PRTG: variants seen among roughly 807,000 people sequenced by gnomAD.
PRTG encodes the protein protogenin.
PRTG carries 67 observed loss-of-function variants against 122.5 expected under a neutral mutation model. That is an observed-to-expected ratio of 0.55 (90% confidence interval 0.45 to 0.67). The LOEUF is 0.67. PRTG is among the 30% of genes least tolerant of loss of function. The pLI is 0.00. For missense variants in PRTG, 1,435 were observed against 1,415.4 expected (o/e 1.01, Z -0.22); for synonymous variants, 554 against 501.1 (o/e 1.11, Z -1.41).
intron 15 of PRTG, among the ~76,000 whole-genome samples, chr15:55,634,294 C>A (rs1208730861): frequency 6.6e-6 from 1 of 151,952 alleles, no homozygotes; most frequent in African/African-American, 2.4e-5. Context: ...GTCTCCAACT[C>A]CTGACCTCAG....
intron 2 of PRTG, among the ~76,000 whole-genome samples, chr15:55,699,694 G>T (rs2141839040): frequency 6.6e-6 from 1 of 152,256 alleles, no homozygotes; most frequent in South Asian, 2.1e-4. Flanking sequence ...TTAGAGACTA[G>T]ATTAGCCAGC....
chr15:55,653,798 A>T (rs2059366289), intron 11 of PRTG, among the ~76,000 whole-genome samples: 1 of 152,070 alleles, frequency 6.6e-6, no homozygotes, highest in Non-Finnish European at 1.5e-5. Context: ...CCCCCAAATG[A>T]CTGGGATTGT....
intron 11 of PRTG, chr15:55,654,929 T>C (rs2059372173): frequency 6.6e-6 from 1 of 152,162 alleles, no homozygotes; most frequent in African/African-American, 2.4e-5. Flanking sequence ...TGCAAAAACA[T>C]CTGTAGTTTG....
chr15:55,671,274 C>T (rs1368865851), intron 11 of PRTG, among the ~76,000 whole-genome samples: 1 of 152,168 alleles, frequency 6.6e-6, no homozygotes, highest in Non-Finnish European at 1.5e-5. Flanking sequence ...CTCACCTTCA[C>T]AGGGCAGTCT....
At chr15:55,644,902 T>G in intron 11 of PRTG, among the ~76,000 whole-genome samples, 1 of 152,148 alleles carries the variant, frequency 6.6e-6, no homozygotes, top group East Asian at 1.9e-4. Context: ...ATAAGTGAAC[T>G]ACTCTTTATG....
chr15:55,638,532 G>T lies in PRTG; in HGVS notation c.2452+17C>A. 1 of 1,578,434 alleles carries T rather than the reference G, an allele frequency of 6.3e-7. No homozygotes were observed. Among genetic ancestry groups the T allele is most frequent in the Non-Finnish European group, 8.6e-7 (1 of 1,162,796 alleles). On this transcript the variant is annotated intron_variant, in intron 14 of 19. Transcript: ENST00000389286. ...TTTTTTTTAAAGATAAAATCTATAG[G>T]GAGCTGTTTTCTTTACCTTCTGGAA...
chr15:55,666,007 G>C (rs1347547716), intron 11 of PRTG, among the ~76,000 whole-genome samples: 1 of 152,234 alleles, frequency 6.6e-6, no homozygotes, highest in Non-Finnish European at 1.5e-5. Flanking sequence ...CTGTGCTGCA[G>C]TAGCAGAGTT....
chr15:55,673,519 C>A lies in PRTG; in HGVS notation c.1704G>T (p.Glu568Asp). 1 of 1,614,114 alleles carries A rather than the reference C, an allele frequency of 6.2e-7. No individual in the cohort carries two copies. The highest frequency in any genetic ancestry group is 1.1e-5 in the South Asian group (1 of 91,074). ...GGTACTCATGCGTGGTCCCCGGGAG[C>A]TCCAGAACTTGGATTGAATTCTCAG... Reference protein sequence around the residue: ...LSTENSIQVLELPGTTHEYLL... With the variant: ...LSTENSIQVLDLPGTTHEYLL... The change falls in exon 10 of 20, where the codon GAG becomes GAT. Residue 568 changes from glutamate (E) to aspartate (D), a missense_variant. By Grantham distance (45) the Glu-to-Asp change is conservative. Transcript: ENST00000389286.
chr15:55,679,135 A>G (rs1429914349), intron 7 of PRTG, 151 bp downstream of exon 7: 1 of 552,580 alleles, frequency 1.8e-6, no homozygotes, highest in East Asian at 3.2e-5. Context: ...TGACATGATA[A>G]TGTTATAAGT....
chr15:55,712,749 G>A (rs1275998484), intron 2 of PRTG, among the ~76,000 whole-genome samples: 5 of 152,062 alleles, frequency 3.3e-5, no homozygotes, highest in African/African-American at 1.2e-4. Flanking sequence ...ATGCAAATTC[G>A]TTATTTTCAA....
rs576298214 is a variant in PRTG at position 55,650,501 on chromosome 15, G to A, written c.2042-9293C>T. On this transcript the variant is annotated intron_variant, in intron 11 of 19. Transcript: ENST00000389286. ...TTCTCCCTGAGAGAAGTCACAGGGA[G>A]GAATTCAGATTTGCAGCAGTAAAGG... Among the ~76,000 whole-genome samples the A allele has an allele frequency of 5.3e-5, 8 of 152,264 alleles. No homozygotes were observed. In the East Asian group the frequency reaches 5.8e-4, roughly 11 times the overall value.
intron 2 of PRTG, among the ~76,000 whole-genome samples, chr15:55,709,388 T>TAG (rs71110312): frequency 7.8e-4 from 115 of 146,822 alleles, no homozygotes; most frequent in African/African-American, 2.5e-3. Flanking sequence ...TATATATATA[T>TAG]AGAGAGAGAG....
chr15:55,680,333 G>A (rs910116554), intron 5 of PRTG, 121 bp from the exon 6 acceptor site: 4 of 1,118,848 alleles, frequency 3.6e-6, no homozygotes, highest in Non-Finnish European at 5.0e-6. Context: ...AATTCTCCAT[G>A]TTAAGACCTT....
At chr15:55,704,013 A>AC (rs991679444) in intron 2 of PRTG, among the ~76,000 whole-genome samples, 17 of 152,108 alleles carry the variant, frequency 1.1e-4, no homozygotes, top group African/African-American at 4.1e-4. Flanking sequence ...TACAGAAAAA[A>AC]CATGCATAGT....
chr15:55,626,870 T>G, intron 17 of PRTG, 138 bp downstream of exon 17: 1 of 585,326 alleles, frequency 1.7e-6, no homozygotes, highest in South Asian at 4.6e-5. Flanking sequence ...CTGTAAGAAC[T>G]CAGGGAACAA....
intron 2 of PRTG, among the ~76,000 whole-genome samples, chr15:55,727,044 CAT>C (rs1237187330): frequency 6.6e-6 from 1 of 150,902 alleles, no homozygotes; most frequent in East Asian, 1.9e-4. Flanking sequence ...TGGCTATAAA[CAT>C]ATTTAAAAAG....
intron 11 of PRTG, among the ~76,000 whole-genome samples, chr15:55,666,848 T>G (rs780054043): frequency 6.6e-6 from 1 of 152,196 alleles, no homozygotes; most frequent in Non-Finnish European, 1.5e-5. Context: ...CTCCCTAACA[T>G]TCTAAAATCA....
intron 2 of PRTG, among the ~76,000 whole-genome samples, chr15:55,691,158 T>C (rs979359047): frequency 5.3e-5 from 8 of 151,744 alleles, no homozygotes; most frequent in African/African-American, 1.9e-4. Flanking sequence ...TAGCTGGGTG[T>C]GGTGGCAGGT....
chr15:55,708,925 A>C, intron 2 of PRTG, among the ~76,000 whole-genome samples: 1 of 151,932 alleles, frequency 6.6e-6, no homozygotes. Flanking sequence ...CAGGCAGATT[A>C]GGTGAGGTCA....
Sources: allele counts gnomAD v4.1 joint callset (sites outside exome capture counted in the v4.1 genomes callset), GRCh38; gene constraint gnomAD v4.1.1; transcripts MANE v1.5; gene names NCBI Gene and HGNC (gene_info 2026-07-23, HGNC 2026-07-21).